The following ADAMTS6 variants were observed in gnomAD, a reference collection of about 807,000 sequenced individuals.
The protein encoded by ADAMTS6 is A disintegrin and metalloproteinase with thrombospondin motifs 6.
Under a neutral mutation model 144.3 loss-of-function variants are expected in ADAMTS6, and 23 were observed. The observed-to-expected ratio is 0.16, with a 90% confidence interval of 0.11 to 0.23. The LOEUF (loss-of-function observed/expected upper bound fraction) is 0.23. ADAMTS6 is among the 10% of genes least tolerant of loss of function. The pLI is 1.00. For synonymous variants in ADAMTS6, 444 were observed against 457.5 expected, an observed-to-expected ratio of 0.97 and a Z score of 0.38; for missense variants, 999 against 1,379.6, an observed-to-expected ratio of 0.72 and a Z score of 4.37.
At chr5:65,442,014 G>A (rs956514387) in intron 7 of ADAMTS6, among the ~76,000 whole-genome samples, 2 of 149,826 alleles carry the variant, frequency 1.3e-5, no homozygotes, top group African/African-American at 4.9e-5. Flanking sequence ...CACAACTTCC[G>A]CCATAAGGAA....
In ADAMTS6 at chr5:65,463,624, C is replaced by A. The variant is rs537035335; in HGVS notation, c.463-3286G>T. 4.6e-5 allele frequency among the ~76,000 whole-genome samples: 7 copies of A among 152,128 alleles called. No homozygotes were observed. The East Asian group carries it at 1.4e-3, about 29-fold the overall frequency. On this transcript the variant is annotated intron_variant, in intron 3 of 24. Transcript: ENST00000381055. ...GAGGTATAAATTCCTTTGAGAAGCC[C>A]AAACCTCACCCCCTGAATTCTAATT...
At chr5:65,306,517 G>C (rs1032861062) in intron 9 of ADAMTS6, among the ~76,000 whole-genome samples, 1 of 152,114 alleles carries the variant, frequency 6.6e-6, no homozygotes, top group Admixed American at 6.5e-5. Context: ...AACTAGCTTT[G>C]ATCTGAAAAT....
At chr5:65,471,202 A>G in intron 2 of ADAMTS6, 60 bp from the exon 3 acceptor site, 1 of 1,518,224 alleles carries the variant, frequency 6.6e-7, no homozygotes, top group Non-Finnish European at 8.8e-7. Flanking sequence ...AGAAAATTTA[A>G]CGGAACAAAG....
intron 20 of ADAMTS6, among the ~76,000 whole-genome samples, chr5:65,197,432 C>T (rs1007491010): frequency 6.6e-6 from 1 of 152,190 alleles, no homozygotes; most frequent in Non-Finnish European, 1.5e-5. Flanking sequence ...AATTCTTCTT[C>T]GTGCTTCCCT....
intron 11 of ADAMTS6, 37 bp from the exon 12 acceptor site, chr5:65,273,484 G>A (rs766584443): frequency 9.2e-6 from 14 of 1,516,984 alleles, no homozygotes; most frequent in South Asian, 1.1e-5. Flanking sequence ...ATCAGAAATA[G>A]AGTCATGTCC....
intron 15 of ADAMTS6, among the ~76,000 whole-genome samples, chr5:65,227,490 A>G (rs1757815623): frequency 6.6e-6 from 1 of 152,200 alleles, no homozygotes; most frequent in South Asian, 2.1e-4. Flanking sequence ...CACTTTGACC[A>G]TATCTAATTA....
At position 65,370,606 on chromosome 5, in the gene ADAMTS6, A is replaced by C. The variant is rs577452470; in HGVS notation, c.1074-36521T>G. ...GGCGCACCACGAGATTATATCCCGC[A>C]CCTGGATCGGAGGGTCCTACGCCCA... On this transcript the variant is annotated intron_variant, in intron 7 of 24. Transcript: ENST00000381055. Among the ~76,000 whole-genome samples, 13 of 152,312 alleles carry C rather than the reference A, an allele frequency of 8.5e-5. 1 individual carries two copies. Among genetic ancestry groups the C allele is most frequent in the African/African-American group, 3.1e-4 (13 of 41,578 alleles).
At chr5:65,384,546 G>A (rs1752326513) in intron 7 of ADAMTS6, among the ~76,000 whole-genome samples, 1 of 152,060 alleles carries the variant, frequency 6.6e-6, no homozygotes, top group Non-Finnish European at 1.5e-5. Context: ...ATTTCCATGG[G>A]AGACCTCATT....
intron 11 of ADAMTS6, among the ~76,000 whole-genome samples, chr5:65,276,926 A>G (rs1351517163): frequency 2.6e-5 from 4 of 152,214 alleles, no homozygotes; most frequent in Non-Finnish European, 5.9e-5. Flanking sequence ...GATAGAAGTT[A>G]AGATTTATTA....
At chr5:65,379,680 T>C (rs1393260557) in intron 7 of ADAMTS6, among the ~76,000 whole-genome samples, 1 of 152,022 alleles carries the variant, frequency 6.6e-6, no homozygotes. Flanking sequence ...CCAGCCCTCC[T>C]AAACACATGC....
At chr5:65,406,968 A>G (rs1754571366) in intron 7 of ADAMTS6, among the ~76,000 whole-genome samples, 2 of 152,190 alleles carry the variant, frequency 1.3e-5, no homozygotes, top group African/African-American at 4.8e-5. Context: ...AAAGCCTCCA[A>G]GAAATATGGG....
intron 22 of ADAMTS6, among the ~76,000 whole-genome samples, chr5:65,185,876 T>A (rs1754650035): frequency 6.6e-6 from 1 of 152,216 alleles, no homozygotes. Context: ...TTTAAAAACA[T>A]ATAATGATAC....
rs1359581527 is a variant in ADAMTS6 at position 65,150,365 on chromosome 5, C to T, written c.*1471G>A. On this transcript the variant is annotated 3_prime_UTR_variant, in exon 25 of 25. Transcript: ENST00000381055. ...AAAAATATTAATATAAACAAGTACC[C>T]TTTTTCATTCTAAGTCTTGCTGTCG... 3 of 152,526 alleles carry T rather than the reference C, an allele frequency of 2.0e-5. No individual in the cohort carries two copies. Among genetic ancestry groups the T allele is most frequent in the Non-Finnish European group, 2.9e-5 (2 of 68,022 alleles). 9.4% of individuals were successfully genotyped at this position (152,526 alleles called of 1,614,324 possible).
At chr5:65,389,752 G>A (rs1381498735) in intron 7 of ADAMTS6, among the ~76,000 whole-genome samples, 2 of 152,020 alleles carry the variant, frequency 1.3e-5, no homozygotes, top group Non-Finnish European at 2.9e-5. Context: ...GGTAATAATT[G>A]GGAGGTCTAA....
chr5:65,384,052 G>A (rs184693485), intron 7 of ADAMTS6, among the ~76,000 whole-genome samples: 2 of 152,300 alleles, frequency 1.3e-5, no homozygotes, highest in East Asian at 1.9e-4. Context: ...AGGCCCTGGC[G>A]TTCTGACCCT....
chr5:65,377,218 T>A (rs1445041542), intron 7 of ADAMTS6, among the ~76,000 whole-genome samples: 1 of 152,186 alleles, frequency 6.6e-6, no homozygotes, highest in African/African-American at 2.4e-5. Flanking sequence ...CATTTTTATA[T>A]TTCCTCTTAC....
At chr5:65,345,161 G>T (rs1748201667) in intron 7 of ADAMTS6, among the ~76,000 whole-genome samples, 1 of 151,638 alleles carries the variant, frequency 6.6e-6, no homozygotes, top group African/African-American at 2.4e-5. Context: ...CCTCTAGAAA[G>T]ATTATATCAG....
intron 7 of ADAMTS6, among the ~76,000 whole-genome samples, chr5:65,401,800 T>G (rs1247054201): frequency 6.6e-6 from 1 of 152,232 alleles, no homozygotes; most frequent in Non-Finnish European, 1.5e-5. Context: ...TTCAGATTTT[T>G]GTGTACTGTT....
intron 21 of ADAMTS6, among the ~76,000 whole-genome samples, chr5:65,192,161 TTAAA>T (rs1755055794): frequency 6.6e-6 from 1 of 152,046 alleles, no homozygotes; most frequent in African/African-American, 2.4e-5. Flanking sequence ...AATATACCAA[TTAAA>T]TAAAACCTAG....
Sources: gnomAD v4.1 joint callset for allele counts (sites outside exome capture counted in the v4.1 genomes callset) on GRCh38, gnomAD v4.1.1 for gene constraint, MANE v1.5 for transcripts, NCBI Gene and HGNC (gene_info 2026-07-23, HGNC 2026-07-21) for gene names.